Variants in CNGB3 observed in about 807,000 individuals in gnomAD.
The protein encoded by CNGB3 is cyclic nucleotide-gated channel beta-3.
In CNGB3, 86 loss-of-function variants were observed where a neutral mutation model predicts 92.8. The ratio of observed to expected loss-of-function variants is 0.93; its 90% CI spans 0.78 to 1.11. The LOEUF (loss-of-function observed/expected upper bound fraction) is 1.11. CNGB3 is among the 50% of genes least tolerant of loss of function. The pLI is 0.00. For synonymous variants in CNGB3, 333 were observed against 332.7 expected, an observed-to-expected ratio of 1.00 and a Z score of -0.01; for missense variants, 1,026 against 956.8, an observed-to-expected ratio of 1.07 and a Z score of -0.95.
intron 7 of CNGB3, among the ~76,000 whole-genome samples, chr8:86,653,622 T>C (rs763138188): frequency 2.0e-5 from 3 of 152,150 alleles, no homozygotes; most frequent in African/African-American, 4.8e-5. Flanking sequence ...ATTAATAATT[T>C]TTATTTTGAA....
intron 13 of CNGB3, among the ~76,000 whole-genome samples, chr8:86,612,070 CT>C (rs1237607942): frequency 6.6e-6 from 1 of 151,984 alleles, no homozygotes. Context: ...AGATCAAAAT[CT>C]TTGCTAGATA....
intron 15 of CNGB3, chr8:86,593,735 T>G (rs1585955743): frequency 9.8e-7 from 1 of 1,024,244 alleles, no homozygotes. Flanking sequence ...GTGGTGGGGG[T>G]GGAAGAAGCG....
chr8:86,605,400 A>G (rs536591771), intron 14 of CNGB3, among the ~76,000 whole-genome samples: 1 of 152,254 alleles, frequency 6.6e-6, no homozygotes, highest in South Asian at 2.1e-4. Flanking sequence ...TAGGCAAACT[A>G]TTTGGCTAGT....
intron 3 of CNGB3, among the ~76,000 whole-genome samples, chr8:86,678,844 C>A (rs1824025638): frequency 6.6e-6 from 1 of 152,100 alleles, no homozygotes; most frequent in African/African-American, 2.4e-5. Flanking sequence ...ACACACATAA[C>A]CAATGGCAAC....
chr8:86,627,861 G>A (rs115638060), intron 12 of CNGB3, among the ~76,000 whole-genome samples: 2 of 152,138 alleles, frequency 1.3e-5, no homozygotes, highest in South Asian at 4.1e-4. Context: ...ACTTATACAA[G>A]AATTTTCTTC....
chr8:86,576,203 T>G lies in CNGB3; in HGVS notation c.2104-73A>C, dbSNP rs1158631844. ...ACATTGGATTAGATTTTGATTAGCA[T>G]GCAATGGCTAAGATCACCACCAAGA... On this transcript the variant is annotated intron_variant, in intron 17 of 17. Coordinates refer to ENST00000320005, the MANE Select transcript of CNGB3 (RefSeq NM_019098.5). 11 of 1,475,454 alleles carry G rather than the reference T, an allele frequency of 7.5e-6. No individual in the cohort carries two copies. The East Asian group carries it at 2.5e-4, about 33-fold the overall frequency. 91.4% of individuals were successfully genotyped at this position (1,475,454 alleles called of 1,614,324 possible).
At chr8:86,699,762 T>C (rs1385868686) in intron 3 of CNGB3, among the ~76,000 whole-genome samples, 1 of 152,200 alleles carries the variant, frequency 6.6e-6, no homozygotes, top group East Asian at 1.9e-4. Context: ...ATTTATAGGG[T>C]TGTCCAAGTA....
intron 10 of CNGB3, 112 bp downstream of exon 10, chr8:86,643,639 A>G: frequency 8.7e-7 from 1 of 1,145,416 alleles, no homozygotes; most frequent in Non-Finnish European, 1.3e-6. Context: ...AGCATTTACC[A>G]GCCATTGAAT....
chr8:86,655,820 A>G (rs2131604435), intron 6 of CNGB3, among the ~76,000 whole-genome samples: 1 of 152,318 alleles, frequency 6.6e-6, no homozygotes, highest in Middle Eastern at 3.4e-3. Flanking sequence ...TCAGACCTAA[A>G]ATAATTAATT....
chr8:86,594,345 G>A (rs1822123274), intron 15 of CNGB3: 3 of 325,768 alleles, frequency 9.2e-6, no homozygotes, highest in Non-Finnish European at 1.8e-5. Context: ...ACCAGCCCAT[G>A]CAGCAGGTCC....
At chr8:86,709,733 A>C (rs574984512) in intron 3 of CNGB3, among the ~76,000 whole-genome samples, 3 of 152,320 alleles carry the variant, frequency 2.0e-5, no homozygotes, top group South Asian at 2.1e-4. Context: ...CTTTCACATA[A>C]AGGAAGAATG....
At chr8:86,582,490 C>T (rs1026304963) in intron 15 of CNGB3, among the ~76,000 whole-genome samples, 35 of 151,880 alleles carry the variant, frequency 2.3e-4, no homozygotes, top group African/African-American at 7.0e-4. Flanking sequence ...AAGATAAATG[C>T]CAAAAGAAAC....
At chr8:86,650,283 C>T (rs10216710) in intron 7 of CNGB3, among the ~76,000 whole-genome samples, 47,896 of 151,272 alleles carry the variant, frequency 0.32, 8,872 homozygotes, top group Middle Eastern at 0.51. Flanking sequence ...CCCCTCTCAA[C>T]TCCTCTATGA....
intron 15 of CNGB3, among the ~76,000 whole-genome samples, chr8:86,588,652 A>G (rs375544691): frequency 6.7e-6 from 1 of 148,764 alleles, no homozygotes. Context: ...ATTGATTTGC[A>G]TATATTGAAC....
chr8:86,741,732 T>C (rs1018530991), intron 1 of CNGB3, among the ~76,000 whole-genome samples: 3 of 152,144 alleles, frequency 2.0e-5, no homozygotes, highest in African/African-American at 7.2e-5. Flanking sequence ...CCACAAATTA[T>C]GGCTGTTGGA....
chr8:86,643,180 A>G (rs1003283692), intron 10 of CNGB3, among the ~76,000 whole-genome samples: 1 of 151,258 alleles, frequency 6.6e-6, no homozygotes, highest in African/African-American at 2.4e-5. Flanking sequence ...TCTTTCATTT[A>G]AAAATGTATT....
chr8:86,667,828 G>A (rs1378640103), intron 5 of CNGB3, among the ~76,000 whole-genome samples, 191 bp downstream of exon 5: 1 of 152,160 alleles, frequency 6.6e-6, no homozygotes, highest in Non-Finnish European at 1.5e-5. Flanking sequence ...ATATAGGCAG[G>A]AATATTGTAT....
rs1822840896 is a variant in CNGB3, at chr8:86,626,078, C to T, written c.1483G>A (p.Glu495Lys). The T allele has an allele frequency of 1.2e-6, 2 of 1,609,176 alleles. No homozygotes were observed. The highest frequency in any genetic ancestry group is 2.2e-5 in the East Asian group (1 of 44,796). Residue 495 changes from glutamate (E) to lysine (K), a missense_variant and splice_region_variant, in exon 13 of 18, where the codon GAG (glutamate) becomes AAG (lysine). Glu to Lys is a moderately conservative substitution (Grantham distance 56, BLOSUM62 1). Transcript: ENST00000320005. ...GGTAGGGTCTTAAGCAAATCAGACT[C>T]ATCTTTATAAAGATAAACACATCAA... ...YTWDSQRMLDESDLLKTLPTT... is the reference protein window; with the variant it reads ...YTWDSQRMLDKSDLLKTLPTT...
intron 6 of CNGB3, chr8:86,661,076 G>C (rs756090541): frequency 4.5e-6 from 1 of 222,560 alleles, no homozygotes; most frequent in Non-Finnish European, 9.0e-6. Flanking sequence ...TTCTTCATTC[G>C]TTCCCCCATA....
Sources: allele counts gnomAD v4.1 joint callset (sites outside exome capture counted in the v4.1 genomes callset), GRCh38; gene constraint gnomAD v4.1.1; transcripts MANE v1.5; gene names NCBI Gene and HGNC (gene_info 2026-07-23, HGNC 2026-07-21).